The following PI4K2B variants were observed in gnomAD, a reference collection of about 807,000 sequenced individuals.
PI4K2B encodes phosphatidylinositol 4-kinase type 2-beta.
In PI4K2B, 46 loss-of-function variants were observed where a neutral mutation model predicts 56.6. That is an observed-to-expected ratio of 0.81 (90% CI 0.64 to 1.04). The LOEUF is 1.04. PI4K2B is among the 50% of genes least tolerant of loss of function. The probability of loss-of-function intolerance (pLI) is 0.00; values close to 1 mark genes in which losing one functional copy is unlikely to be tolerated. For missense variants in PI4K2B, 556 were observed against 607.7 expected, an observed-to-expected ratio of 0.91 and a Z score of 0.89; for synonymous variants, 211 against 223.8, an observed-to-expected ratio of 0.94 and a Z score of 0.51.
At chr4:25,242,808 T>A (rs1175966705) in intron 1 of PI4K2B, among the ~76,000 whole-genome samples, 3 of 152,244 alleles carry the variant, frequency 2.0e-5, no homozygotes, top group African/African-American at 7.2e-5. Context: ...TTTTTGCCCT[T>A]CGAAAGTGTC....
Position 25,270,300 on chromosome 4 carries a change from C to T in PI4K2B, c.1272+1097C>T, listed in dbSNP as rs539744381. Among the ~76,000 whole-genome samples, 92 of 152,112 alleles carry T rather than the reference C, an allele frequency of 6.0e-4. 1 individual carries two copies. The highest frequency in any genetic ancestry group is 6.8e-3 in the Middle Eastern group (2 of 294). ...TGAAAAAACTAATTGTAACTCAGTC[C>T]TCTCCCTGACCCCCCTTTCCTCTTG... On this transcript the variant is annotated intron_variant, in intron 9 of 9. Coordinates refer to ENST00000264864, the MANE Select transcript of PI4K2B (RefSeq NM_018323.4).
chr4:25,254,473 G>A (rs1716180366), intron 2 of PI4K2B: 1 of 193,818 alleles, frequency 5.2e-6, no homozygotes, highest in African/African-American at 2.4e-5. Context: ...GAGTGCAGTG[G>A]TGCGATCTCC....
intron 6 of PI4K2B, among the ~76,000 whole-genome samples, chr4:25,262,067 G>A (rs1398127993): frequency 6.6e-6 from 1 of 152,144 alleles, no homozygotes; most frequent in Non-Finnish European, 1.5e-5. Flanking sequence ...ACGCCAAGGT[G>A]GGAGGATTGA....
chr4:25,266,967 G>T (rs1350037069), intron 7 of PI4K2B, among the ~76,000 whole-genome samples: 20 of 152,168 alleles, frequency 1.3e-4, no homozygotes, highest in Non-Finnish European at 1.5e-5. Flanking sequence ...GGAATCAGGG[G>T]TAACAGTGAC....
intron 9 of PI4K2B, among the ~76,000 whole-genome samples, chr4:25,270,416 GCTCACTTCAACCTCTGT>G (rs1716841119): frequency 6.6e-6 from 1 of 151,778 alleles, no homozygotes; most frequent in Non-Finnish European, 1.5e-5. Flanking sequence ...TGCGATCTCA[GCTCACTTCAACCTCTGT>G]CTCCCAGGTT....
intron 6 of PI4K2B, among the ~76,000 whole-genome samples, chr4:25,261,895 T>C (rs749668740): frequency 2.6e-5 from 4 of 152,218 alleles, no homozygotes; most frequent in Non-Finnish European, 4.4e-5. Flanking sequence ...TAATTGTGTA[T>C]AAATTATACC....
At chr4:25,242,921 C>A (rs1715587942) in intron 1 of PI4K2B, among the ~76,000 whole-genome samples, 1 of 152,196 alleles carries the variant, frequency 6.6e-6, no homozygotes, top group South Asian at 2.1e-4. Flanking sequence ...CCAGCCTTGG[C>A]TAATATATCC....
In PI4K2B at chr4:25,278,355, C is replaced by A; in HGVS notation, c.*1168C>A. 1 of 152,180 alleles carries A rather than the reference C, an allele frequency of 6.6e-6. No homozygotes were observed. Among genetic ancestry groups the A allele is most frequent in the Non-Finnish European group, 1.5e-5 (1 of 68,022 alleles). The allele number at this position is 152,180 out of a possible 1,614,324, so 9.4% of individuals were successfully genotyped here. ...TGTGATTTTACAGAAGCAGAAGTTTCATTTTCTTGAGGCTTAAAACCAATG... is the reference window on the plus strand; with the variant it reads ...TGTGATTTTACAGAAGCAGAAGTTTAATTTTCTTGAGGCTTAAAACCAATG... On this transcript the variant is annotated 3_prime_UTR_variant, in exon 10 of 10. Coordinates refer to ENST00000264864, the MANE Select transcript of PI4K2B (RefSeq NM_018323.4).
intron 5 of PI4K2B, among the ~76,000 whole-genome samples, chr4:25,259,508 G>T (rs1226573049): frequency 6.6e-6 from 1 of 152,088 alleles, no homozygotes; most frequent in African/African-American, 2.4e-5. Flanking sequence ...ATTATGTTAG[G>T]TGCTTATTTT....
At chr4:25,272,257 C>A (rs16876966) in intron 9 of PI4K2B, among the ~76,000 whole-genome samples, 5,634 of 151,944 alleles carry the variant, frequency 0.037, 255 homozygotes, top group East Asian at 0.16. Context: ...CATATCTTAT[C>A]TCATGTACAA....
chr4:25,260,639 TATACACAC>T (rs1338893242), intron 6 of PI4K2B, 48 bp downstream of exon 6: 142 of 58,348 alleles, frequency 2.4e-3, no homozygotes, highest in African/African-American at 0.01. Context: ...TATATATATA[TATACACAC>T]ACACACACAC....
At chr4:25,267,609 G>T (rs573794302) in intron 7 of PI4K2B, 180 of 187,602 alleles carry the variant, frequency 9.6e-4, no homozygotes, top group Non-Finnish European at 1.5e-3. Flanking sequence ...CAAAGCTGGG[G>T]ATTCTCATTG....
intron 6 of PI4K2B, among the ~76,000 whole-genome samples, chr4:25,261,311 T>C (rs1477449006): frequency 6.6e-6 from 1 of 152,176 alleles, no homozygotes; most frequent in Non-Finnish European, 1.5e-5. Flanking sequence ...TAAATACTTT[T>C]GCTATTTATA....
rs969173861 is a variant in PI4K2B, at chr4:25,239,804, C to T, written c.268+5373C>T. ...GCACACTGTCACCTCTCAATCCCCCCTCTAAACAGGACACCCCAACTGCTG... is the reference window on the plus strand; with the variant it reads ...GCACACTGTCACCTCTCAATCCCCCTTCTAAACAGGACACCCCAACTGCTG... On this transcript the variant is annotated intron_variant, in intron 1 of 9. Coordinates refer to ENST00000264864, the MANE Select transcript of PI4K2B (RefSeq NM_018323.4). Among the ~76,000 whole-genome samples, 11 of 152,352 alleles carry T rather than the reference C, an allele frequency of 7.2e-5. No homozygotes were observed. In the East Asian group the frequency reaches 1.2e-3, roughly 16 times the overall value.
At chr4:25,240,502 A>G (rs1281802584) in intron 1 of PI4K2B, among the ~76,000 whole-genome samples, 2 of 152,140 alleles carry the variant, frequency 1.3e-5, no homozygotes, top group Non-Finnish European at 2.9e-5. Context: ...TATTAATTGT[A>G]TGGCTCTGCA....
intron 7 of PI4K2B, among the ~76,000 whole-genome samples, chr4:25,265,459 C>A (rs1345650701): frequency 3.3e-5 from 5 of 152,036 alleles, no homozygotes; most frequent in African/African-American, 1.2e-4. Context: ...CTATTATGTT[C>A]ATGCTATATC....
At chr4:25,240,647 A>G (rs1047804450) in intron 1 of PI4K2B, among the ~76,000 whole-genome samples, 1 of 152,218 alleles carries the variant, frequency 6.6e-6, no homozygotes, top group South Asian at 2.1e-4. Flanking sequence ...GATGTTCCAC[A>G]TAACAAGAAT....
chr4:25,234,215 C>T lies in PI4K2B; in HGVS notation c.52C>T (p.Pro18Ser). Residue 18 changes from proline (P) to serine (S), a missense_variant, in exon 1 of 10, where the codon CCG becomes TCG. Pro to Ser is a moderately conservative substitution (Grantham distance 74, BLOSUM62 -1). Coordinates refer to ENST00000264864, the MANE Select transcript of PI4K2B (RefSeq NM_018323.4). Reference protein sequence around the residue: ...DRLASADGGSPEEEEDGEREP... With the variant: ...DRLASADGGSSEEEEDGEREP... ...GTTGGCGTCCGCGGACGGCGGGAGC[C>T]CGGAGGAGGAGGAGGATGGGGAGCG... 7.1e-7 allele frequency: 1 copy of T among 1,415,284 alleles called. No individual in the cohort carries two copies. Among genetic ancestry groups the T allele is most frequent in the South Asian group, 1.5e-5 (1 of 67,366 alleles). 87.7% of individuals were successfully genotyped at this position (1,415,284 alleles called of 1,614,324 possible).
chr4:25,247,848 T>C (rs147024206), intron 1 of PI4K2B, among the ~76,000 whole-genome samples: 1 of 152,172 alleles, frequency 6.6e-6, no homozygotes, highest in African/African-American at 2.4e-5. Context: ...GGACTACAGG[T>C]ACATGCCACT....
Sources: gnomAD v4.1 joint callset for allele counts (sites outside exome capture counted in the v4.1 genomes callset) on GRCh38, gnomAD v4.1.1 for gene constraint, MANE v1.5 for transcripts, NCBI Gene and HGNC (gene_info 2026-07-23, HGNC 2026-07-21) for gene names.